OPCML: variants seen among roughly 807,000 people sequenced by gnomAD.
OPCML encodes opioid-binding protein/cell adhesion molecule.
Under a neutral mutation model 37.8 loss-of-function variants are expected in OPCML, and 13 were observed. That is an observed-to-expected ratio of 0.34 (90% CI 0.22 to 0.55). OPCML has a LOEUF of 0.55. Ranked by LOEUF, OPCML falls within the 20% of genes least tolerant of loss-of-function variation. The pLI is 0.91. For synonymous variants in OPCML, 176 were observed against 168.8 expected (o/e 1.04, Z -0.33); for missense variants, 341 against 435.6 (o/e 0.78, Z 1.93).
intron 1 of OPCML, among the ~76,000 whole-genome samples, chr11:133,150,710 C>T (rs1450725140): frequency 2.0e-5 from 3 of 152,060 alleles, no homozygotes; most frequent in Non-Finnish European, 4.4e-5. Context: ...AAATCTTCCT[C>T]CTCTCTCTTT....
chr11:133,485,271 G>A (rs574027412), intron 1 of OPCML, among the ~76,000 whole-genome samples: 51 of 152,100 alleles, frequency 3.4e-4, no homozygotes, highest in Non-Finnish European at 7.2e-4. Context: ...CAGTTATAAG[G>A]GAAACCCTTT....
intron 2 of OPCML, among the ~76,000 whole-genome samples, chr11:132,697,642 A>G (rs969098218): frequency 1.3e-5 from 2 of 152,204 alleles, no homozygotes; most frequent in African/African-American, 4.8e-5. Context: ...ATATTTTTAT[A>G]TAGAACACGT....
chr11:132,918,169 A>C (rs1355031502), intron 2 of OPCML, among the ~76,000 whole-genome samples: 1 of 152,230 alleles, frequency 6.6e-6, no homozygotes, highest in East Asian at 1.9e-4. Context: ...GCGATTTTTA[A>C]CATTCACGTT....
intron 1 of OPCML, among the ~76,000 whole-genome samples, chr11:133,049,729 G>A (rs1262423246): frequency 6.6e-6 from 1 of 152,184 alleles, no homozygotes; most frequent in Non-Finnish European, 1.5e-5. Context: ...AGTCCTCCTG[G>A]AAGCTGGTTT....
chr11:132,824,721 C>G (rs2136259919), intron 2 of OPCML, among the ~76,000 whole-genome samples: 1 of 152,288 alleles, frequency 6.6e-6, no homozygotes, highest in South Asian at 2.1e-4. Context: ...GAGTATTCAC[C>G]TTCAAAAACA....
In OPCML at chr11:133,076,625, G is replaced by A. The variant is rs376997538; in HGVS notation, c.62-133615C>T. ...CTGTAACACAGAAAGACTCCTCAGA[G>A]CACTGTCACAAGTCTCAAATGAGAC... On this transcript the variant is annotated intron_variant, in intron 1 of 7. Coordinates refer to ENST00000524381, the MANE Select transcript of OPCML (RefSeq NM_001012393.5). 9.3e-4 allele frequency among the ~76,000 whole-genome samples: 141 copies of A among 152,184 alleles called. 3 individuals are homozygous for A. Among genetic ancestry groups the A allele is most frequent in the South Asian group, 7.7e-3 (37 of 4,812 alleles).
rs144454481 is a variant in OPCML at position 132,702,265 on chromosome 11, C to T, written c.147-44946G>A. 1.9e-3 allele frequency among the ~76,000 whole-genome samples: 289 copies of T among 152,210 alleles called. 3 individuals carry two copies. Among genetic ancestry groups the T allele is most frequent in the African/African-American group, 6.5e-3 (272 of 41,540 alleles). On this transcript the variant is annotated intron_variant, in intron 2 of 7. Coordinates refer to ENST00000524381, the MANE Select transcript of OPCML (RefSeq NM_001012393.5). ...GGCAGGTCTAGTGGTGATGAACTCCCTCAGTTTTTTGTTTGTCTAGGAAAA... is the reference window on the plus strand; with the variant it reads ...GGCAGGTCTAGTGGTGATGAACTCCTTCAGTTTTTTGTTTGTCTAGGAAAA...
chr11:132,717,443 G>T (rs1008677696), intron 2 of OPCML, among the ~76,000 whole-genome samples: 4 of 152,024 alleles, frequency 2.6e-5, no homozygotes, highest in African/African-American at 9.7e-5. Context: ...AGAAAAACAA[G>T]ATACGAAATA....
rs1315137469 is a variant in OPCML, at chr11:133,141,003, C to CGAAGACGAA, written c.62-197994_62-197993insTTCGTCTTC. Among the ~76,000 whole-genome samples the CGAAGACGAA allele has an allele frequency of 5.7e-4, 3 of 5,254 alleles. 1 individual carries two copies. The highest frequency in any genetic ancestry group is 1.2e-3 in the African/African-American group (3 of 2,522). The allele number at this position is 5,254 out of a possible 152,430, so 3.4% of individuals were successfully genotyped here. A position where few individuals can be genotyped will look rare whatever the true frequency, so the allele number is the denominator to read the frequency against. On this transcript the variant is annotated intron_variant, in intron 1 of 7. Transcript: ENST00000524381. The stretch of plus-strand genomic sequence containing the variant: ...AAGAAGAAGAAGAAGAAGAAGACGA[C>CGAAGACGAA]GACGACGACGACGACGACGACGACG...
intron 1 of OPCML, among the ~76,000 whole-genome samples, chr11:133,240,096 C>T (rs1940668770): frequency 6.6e-6 from 1 of 151,400 alleles, no homozygotes; most frequent in African/African-American, 2.4e-5. Flanking sequence ...AATGTACGTG[C>T]TGCTCAGGCC....
At chr11:133,444,502 A>G (rs1781944150) in intron 1 of OPCML, among the ~76,000 whole-genome samples, 1 of 152,206 alleles carries the variant, frequency 6.6e-6, no homozygotes, top group African/African-American at 2.4e-5. Context: ...TTAGAAGAAG[A>G]TTGCTAAATC....
chr11:133,230,944 C>A (rs1030539661), intron 1 of OPCML, among the ~76,000 whole-genome samples: 2 of 152,178 alleles, frequency 1.3e-5, no homozygotes, highest in Non-Finnish European at 2.9e-5. Flanking sequence ...GATTCAGACA[C>A]CGGATCTGCC....
At chr11:133,133,986 G>T (rs554875776) in intron 1 of OPCML, among the ~76,000 whole-genome samples, 7 of 152,128 alleles carry the variant, frequency 4.6e-5, no homozygotes, top group African/African-American at 1.7e-4. Flanking sequence ...TAATGAATAC[G>T]CATACACAGA....
intron 2 of OPCML, among the ~76,000 whole-genome samples, chr11:132,768,394 C>T (rs2136115672): frequency 6.6e-6 from 1 of 152,206 alleles, no homozygotes; most frequent in East Asian, 1.9e-4. Context: ...TTAACTCCTC[C>T]CCCTGCCTCC....
chr11:133,161,131 C>T (rs1339506896), intron 1 of OPCML, among the ~76,000 whole-genome samples: 1 of 152,222 alleles, frequency 6.6e-6, no homozygotes, highest in Admixed American at 6.5e-5. Flanking sequence ...CAAGCCAGGG[C>T]ACACCTTTGA....
At position 133,003,228 on chromosome 11, in the gene OPCML, T is replaced by C. The variant is rs560946949; in HGVS notation, c.62-60218A>G. Among the ~76,000 whole-genome samples, 25 of 152,334 alleles carry C rather than the reference T, an allele frequency of 1.6e-4. No individual in the cohort carries two copies. In the Middle Eastern group the frequency reaches 0.01, roughly 62 times the overall value. On this transcript the variant is annotated intron_variant, in intron 1 of 7. Transcript: ENST00000524381. ...CTGAAAGCAATAGAAATTTATTAGCTCATGGTTTGGAGACCAGAAGTCTGA... is the reference window on the plus strand; with the variant it reads ...CTGAAAGCAATAGAAATTTATTAGCCCATGGTTTGGAGACCAGAAGTCTGA...
intron 1 of OPCML, among the ~76,000 whole-genome samples, chr11:133,290,027 A>C (rs547837648): frequency 1.3e-5 from 2 of 152,306 alleles, no homozygotes; most frequent in East Asian, 3.9e-4. Flanking sequence ...CAGTGGAAAA[A>C]GCTCCAGATC....
chr11:132,594,959 C>T (rs773389560), intron 3 of OPCML, among the ~76,000 whole-genome samples: 12 of 152,156 alleles, frequency 7.9e-5, no homozygotes, highest in South Asian at 2.1e-4. Flanking sequence ...TATTTCAAGA[C>T]GTGTGTGTAA....
chr11:133,119,658 T>C (rs1685387710), intron 1 of OPCML, among the ~76,000 whole-genome samples: 1 of 152,074 alleles, frequency 6.6e-6, no homozygotes, highest in African/African-American at 2.4e-5. Context: ...TGCGGGACAA[T>C]TTCAAAGTGT....
Sources: allele counts gnomAD v4.1 joint callset (sites outside exome capture counted in the v4.1 genomes callset), GRCh38; gene constraint gnomAD v4.1.1; transcripts MANE v1.5; gene names NCBI Gene and HGNC (gene_info 2026-07-23, HGNC 2026-07-21).